SGMS2: variants seen among roughly 807,000 people sequenced by gnomAD.
The protein encoded by SGMS2 is phosphatidylcholine:ceramide cholinephosphotransferase 2.
SGMS2 carries 21 observed loss-of-function variants against 43.8 expected under a neutral mutation model. The ratio of observed to expected loss-of-function variants is 0.48; its 90% CI spans 0.34 to 0.69. SGMS2 has a LOEUF of 0.69. Ranked by LOEUF, SGMS2 falls within the 30% of genes least tolerant of loss-of-function variation. SGMS2 has a pLI of 0.01. For missense variants in SGMS2, 384 were observed against 443.2 expected, an observed-to-expected ratio of 0.87 and a Z score of 1.20; for synonymous variants, 167 against 160.6, an observed-to-expected ratio of 1.04 and a Z score of -0.30.
intron 2 of SGMS2, among the ~76,000 whole-genome samples, chr4:107,877,208 T>C (rs1320611783): frequency 1.3e-5 from 2 of 152,182 alleles, no homozygotes; most frequent in African/African-American, 2.4e-5. Context: ...CTCAGGATGC[T>C]GTGGCAGGAA....
At chr4:107,867,028 T>A (rs1457216669) in intron 2 of SGMS2, 1 of 152,266 alleles carries the variant, frequency 6.6e-6, no homozygotes, top group Middle Eastern at 3.4e-3. Flanking sequence ...TCTTTAGCCA[T>A]GGAACCCAGA....
At chr4:107,877,010 T>C (rs1184560370) in intron 2 of SGMS2, among the ~76,000 whole-genome samples, 5 of 152,176 alleles carry the variant, frequency 3.3e-5, no homozygotes, top group Admixed American at 2.6e-4. Context: ...TTTAAAACTA[T>C]TAAATGGGAC....
At chr4:107,907,851 A>C (rs185734764) in intron 5 of SGMS2, 5 of 152,336 alleles carry the variant, frequency 3.3e-5, no homozygotes, top group African/African-American at 9.6e-5. Context: ...TTGTGTGAGA[A>C]GGGGAGGACC....
chr4:107,844,081 G>A (rs1467420025), intron 1 of SGMS2, among the ~76,000 whole-genome samples: 2 of 152,106 alleles, frequency 1.3e-5, no homozygotes, highest in African/African-American at 4.8e-5. Context: ...CCAGCACTTT[G>A]GGAGGCCAAG....
rs1729457940 is a variant in SGMS2 at position 107,882,703 on chromosome 4, T to A, written c.-244-12607T>A. Among the ~76,000 whole-genome samples, 3 of 152,210 alleles carry A rather than the reference T, an allele frequency of 2.0e-5. No homozygotes were observed. The South Asian group carries it at 6.2e-4, about 32-fold the overall frequency. ...GAGAACTATTATGTTGTGACTATTT[T>A]ATTCTACAAGTTGATTTTTTTAATG... On this transcript the variant is annotated intron_variant, in intron 2 of 6. Transcript: ENST00000690982.
Position 107,913,478 on chromosome 4 carries a change from T to C in SGMS2, c.*2925T>C, listed in dbSNP as rs886964981. The C allele has an allele frequency of 6.6e-6, 1 of 152,192 alleles. No individual in the cohort carries two copies. The highest frequency in any genetic ancestry group is 2.4e-5 in the African/African-American group (1 of 41,446). 9.4% of individuals were successfully genotyped at this position (152,192 alleles called of 1,614,324 possible). On this transcript the variant is annotated 3_prime_UTR_variant, in exon 7 of 7. Transcript: ENST00000690982. ...CATTGCATTAGGGTTATTTCCTGTA[T>C]TACCAGTGCCCCCTTGTGGCAATAT...
intron 2 of SGMS2, among the ~76,000 whole-genome samples, chr4:107,877,482 G>A (rs1417167821): frequency 6.6e-6 from 1 of 152,152 alleles, no homozygotes; most frequent in Admixed American, 6.6e-5. Flanking sequence ...TATCACTGTT[G>A]TTCAGTTAGG....
intron 1 of SGMS2, among the ~76,000 whole-genome samples, chr4:107,830,069 C>T (rs1388394039): frequency 1.3e-5 from 2 of 152,118 alleles, no homozygotes; most frequent in Non-Finnish European, 1.5e-5. Context: ...TCTGTGGTTC[C>T]CTTCTTAGGG....
chr4:107,908,390 C>G (rs549129365), intron 5 of SGMS2, among the ~76,000 whole-genome samples, 175 bp from the exon 6 acceptor site: 1 of 152,298 alleles, frequency 6.6e-6, no homozygotes, highest in East Asian at 1.9e-4. Context: ...CTCTGCCTCC[C>G]TCCTACCTGA....
At chr4:107,847,391 T>C (rs1312712195) in intron 1 of SGMS2, among the ~76,000 whole-genome samples, 1 of 152,124 alleles carries the variant, frequency 6.6e-6, no homozygotes, top group East Asian at 1.9e-4. Flanking sequence ...CATTGCTTGT[T>C]TTTCTCAGGT....
chr4:107,910,373 T>TA lies in SGMS2; in HGVS notation c.920dup (p.Asn307LysfsTer16). The TA allele has an allele frequency of 6.2e-7, 1 of 1,614,134 alleles. No homozygotes were observed. On this transcript the variant is annotated frameshift_variant, in exon 7 of 7. Transcript: ENST00000690982. LOFTEE classifies it high-confidence loss of function. ...AGAACTTGAAGGTCTCTTCACAGAC[T>TA]AATTTCTTATCTCGAGCATGGTGGT...
At chr4:107,860,421 T>G (rs905889633) in intron 2 of SGMS2, among the ~76,000 whole-genome samples, 12 of 152,170 alleles carry the variant, frequency 7.9e-5, no homozygotes, top group African/African-American at 2.9e-4. Flanking sequence ...TTATTTTGCA[T>G]GTAGACAATA....
chr4:107,910,360 T>C lies in SGMS2; in HGVS notation c.905T>C (p.Val302Ala), dbSNP rs773341751. 2 of 1,613,888 alleles carry C rather than the reference T, an allele frequency of 1.2e-6. No individual in the cohort carries two copies. The highest frequency in any genetic ancestry group is 2.2e-5 in the South Asian group (2 of 91,068). ...HSMANEKNLK[V>A]SSQTNFLSRA... ...TTCTACCATTTACAGAACTTGAAGGTCTCTTCACAGACTAATTTCTTATCT... is the reference window on the plus strand; with the variant it reads ...TTCTACCATTTACAGAACTTGAAGGCCTCTTCACAGACTAATTTCTTATCT... The change falls in exon 7 of 7, where the codon GTC becomes GCC. Residue 302 changes from valine to alanine, a missense_variant. Transcript: ENST00000690982.
At chr4:107,845,829 C>T (rs79170234) in intron 1 of SGMS2, among the ~76,000 whole-genome samples, 1 of 152,072 alleles carries the variant, frequency 6.6e-6, no homozygotes, top group Non-Finnish European at 1.5e-5. Context: ...GCGTGTCCTG[C>T]CATTTGTTAT....
chr4:107,835,204 A>G (rs1726104339), intron 1 of SGMS2, among the ~76,000 whole-genome samples: 1 of 152,154 alleles, frequency 6.6e-6, no homozygotes, highest in African/African-American at 2.4e-5. Context: ...GGAATCAGAA[A>G]TAGTGTAGAA....
chr4:107,851,760 T>C (rs1475273464), intron 1 of SGMS2, among the ~76,000 whole-genome samples: 1 of 152,224 alleles, frequency 6.6e-6, no homozygotes, highest in Admixed American at 6.5e-5. Context: ...TTATTTTTAC[T>C]TTGGGTTTCA....
In SGMS2 at chr4:107,895,763, C is replaced by A. The variant is rs775892467; in HGVS notation, c.210C>A (p.Asn70Lys). 1 of 1,613,940 alleles carries A rather than the reference C, an allele frequency of 6.2e-7. No homozygotes were observed. The highest frequency in any genetic ancestry group is 8.5e-7 in the Non-Finnish European group (1 of 1,179,956). The change falls in exon 3 of 7, where the codon AAC becomes AAA. Residue 70 changes from asparagine (N) to lysine (K), a missense_variant. Physicochemically the swap from Asn to Lys is moderately conservative, Grantham distance 94 (BLOSUM62 0). Transcript: ENST00000690982. ...IQIAMPTESR[N>K]KFPLEWWKTG... ...TTGCTATGCCCACTGAATCAAGGAACAAATTTCCACTAGAGTGGTGGAAAA... is the reference window on the plus strand; with the variant it reads ...TTGCTATGCCCACTGAATCAAGGAAAAAATTTCCACTAGAGTGGTGGAAAA...
chr4:107,850,948 C>T (rs556117646), intron 1 of SGMS2, among the ~76,000 whole-genome samples: 6 of 152,314 alleles, frequency 3.9e-5, no homozygotes, highest in African/African-American at 1.4e-4. Flanking sequence ...TCTTCTCTTG[C>T]TCCAGTGATT....
intron 1 of SGMS2, among the ~76,000 whole-genome samples, chr4:107,831,850 A>G (rs1725908072): frequency 6.6e-6 from 1 of 152,232 alleles, no homozygotes; most frequent in East Asian, 1.9e-4. Context: ...GTGAATGCTG[A>G]AAAGCTTTTC....
Sources: allele counts gnomAD v4.1 joint callset (sites outside exome capture counted in the v4.1 genomes callset), GRCh38; gene constraint gnomAD v4.1.1; transcripts MANE v1.5; gene names NCBI Gene and HGNC (gene_info 2026-07-23, HGNC 2026-07-21).